UBE2O: variants seen among roughly 807,000 people sequenced by gnomAD.
UBE2O encodes the protein ubiquitin conjugating enzyme E2 O.
Under a neutral mutation model 125.8 loss-of-function variants are expected in UBE2O, and 15 were observed. The ratio of observed to expected loss-of-function variants is 0.12; its 90% CI spans 0.08 to 0.18. The LOEUF (loss-of-function observed/expected upper bound fraction) is 0.18, where lower values mean the gene tolerates loss of function less well. Ranked by LOEUF, UBE2O falls within the 10% of genes least tolerant of loss-of-function variation. UBE2O has a pLI of 1.00. For missense variants in UBE2O, 1,280 were observed against 1,723.6 expected (o/e 0.74, Z 4.56); for synonymous variants, 708 against 703.2 (o/e 1.01, Z -0.11).
intron 1 of UBE2O, among the ~76,000 whole-genome samples, chr17:76,422,522 T>G (rs1316410131): frequency 1.3e-5 from 2 of 152,184 alleles, no homozygotes; most frequent in African/African-American, 2.4e-5. Flanking sequence ...CAGATGCCAA[T>G]GAAACATCTG....
At position 76,405,416 on chromosome 17, in the gene UBE2O, G is replaced by A; in HGVS notation, c.477+97C>T. The A allele has an allele frequency of 6.6e-7, 1 of 1,508,766 alleles. No individual in the cohort carries two copies. The highest frequency in any genetic ancestry group is 1.2e-5 in the South Asian group (1 of 85,590). The allele number at this position is 1,508,766 out of a possible 1,614,324, so 93.5% of individuals were successfully genotyped here. On this transcript the variant is annotated intron_variant, in intron 2 of 17. Coordinates refer to ENST00000319380, the MANE Select transcript of UBE2O (RefSeq NM_022066.4). This position sits in a 1 kb window ranked among gnomAD's most constrained non-coding sequence, Gnocchi z 6.1. ...CCCCAGCGCACCCCCTGCAGAGCTG[G>A]CCAGTTCTCCCACATGCAGAGTGCG...
intron 1 of UBE2O, among the ~76,000 whole-genome samples, chr17:76,446,119 T>G (rs1034207499): frequency 6.6e-6 from 1 of 152,198 alleles, no homozygotes; most frequent in African/African-American, 2.4e-5. Context: ...CAACTCCCCA[T>G]CGCCATCCAG....
chr17:76,406,457 G>A (rs1281586629), intron 1 of UBE2O, among the ~76,000 whole-genome samples: 5 of 151,918 alleles, frequency 3.3e-5, no homozygotes, highest in African/African-American at 9.7e-5. Context: ...ACACTCCTCC[G>A]TGGTGGCCTC....
chr17:76,403,491 T>G (rs1201542378), intron 3 of UBE2O, among the ~76,000 whole-genome samples: 3 of 152,074 alleles, frequency 2.0e-5, no homozygotes, highest in Non-Finnish European at 4.4e-5. Flanking sequence ...AAGCTGGTCT[T>G]AAACTCTTGA....
chr17:76,434,564 T>C (rs1270340030), intron 1 of UBE2O, among the ~76,000 whole-genome samples: 1 of 152,088 alleles, frequency 6.6e-6, no homozygotes, highest in Non-Finnish European at 1.5e-5. Context: ...TGACTCCTCG[T>C]CCTGGGGAAA....
intron 1 of UBE2O, among the ~76,000 whole-genome samples, chr17:76,414,118 G>C (rs1427518848): frequency 1.3e-5 from 2 of 152,200 alleles, no homozygotes; most frequent in Admixed American, 6.5e-5. Context: ...AGCACAAATG[G>C]CCAGGGGGCC....
intron 5 of UBE2O, 29 bp from the exon 6 acceptor site, chr17:76,401,183 C>T (rs1269986649): frequency 1.7e-5 from 28 of 1,610,236 alleles, no homozygotes; most frequent in Non-Finnish European, 2.2e-5. Flanking sequence ...AAGGAAAGTC[C>T]CCGTGAGCGG....
In UBE2O at chr17:76,395,548, C is replaced by G; in HGVS notation, c.2946+177G>C. 1.5e-6 allele frequency: 1 copy of G among 677,154 alleles called. No individual in the cohort carries two copies. The highest frequency in any genetic ancestry group is 2.5e-6 in the Non-Finnish European group (1 of 406,796). 41.9% of individuals were successfully genotyped at this position (677,154 alleles called of 1,614,324 possible). On this transcript the variant is annotated intron_variant, in intron 15 of 17. Transcript: ENST00000319380. The surrounding 1 kb of genome is among the most constrained non-coding windows in gnomAD (Gnocchi z 5.0). ...GAAAGAACCATCTGGCCTGGACACA[C>G]GGCTGAGTCAGCCCTCACCTGACTG...
At position 76,396,690 on chromosome 17, in the gene UBE2O, C is replaced by T; in HGVS notation, c.2247G>A (p.Glu749=). 1 of 1,613,866 alleles carries T rather than the reference C, an allele frequency of 6.2e-7. No individual in the cohort carries two copies. The highest frequency in any genetic ancestry group is 8.5e-7 in the Non-Finnish European group (1 of 1,180,004). The change falls in exon 14 of 18, where the codon GAG becomes GAA. Residue 749 remains glutamate, a synonymous_variant. Coordinates refer to ENST00000319380, the MANE Select transcript of UBE2O (RefSeq NM_022066.4). This position sits in a 1 kb window ranked among gnomAD's most constrained non-coding sequence, Gnocchi z 6.7. ...GCTCCTCTATCTTGGGGTGCTCGTC[C>T]TCCACCAGCCCATTGTCCGTCTCCC... ...DSWETDNGLV[E]DEHPKIEEPP...
chr17:76,419,505 G>A (rs1348584516), intron 1 of UBE2O, among the ~76,000 whole-genome samples: 1 of 152,116 alleles, frequency 6.6e-6, no homozygotes, highest in African/African-American at 2.4e-5. Context: ...GTTGACTGAT[G>A]CCCACCCTTC....
rs1446778615 is a variant in UBE2O at position 76,400,581 on chromosome 17, G to A, written c.895-31C>T. On this transcript the variant is annotated intron_variant, in intron 6 of 17. Transcript: ENST00000319380. The surrounding 1 kb of genome is among the most constrained non-coding windows in gnomAD (Gnocchi z 4.3). ...GATGGCAGGTGGGACACGCCAGTCA[G>A]GGCAGGCTCTGACAGCACTCTCTTT... is the stretch of plus-strand genomic sequence containing the variant. 5.9e-6 allele frequency: 9 copies of A among 1,522,492 alleles called. No homozygotes were observed. The highest frequency in any genetic ancestry group is 3.5e-5 in the South Asian group (3 of 85,434). The allele number at this position is 1,522,492 out of a possible 1,614,324, so 94.3% of individuals were successfully genotyped here.
chr17:76,413,517 C>A (rs2072550955), intron 1 of UBE2O, among the ~76,000 whole-genome samples: 1 of 152,142 alleles, frequency 6.6e-6, no homozygotes, highest in Non-Finnish European at 1.5e-5. Context: ...CAAAAAGTAA[C>A]TGCAGTTAAA....
intron 1 of UBE2O, among the ~76,000 whole-genome samples, chr17:76,415,728 C>A (rs1051263843): frequency 6.6e-6 from 1 of 151,504 alleles, no homozygotes; most frequent in South Asian, 2.1e-4. Context: ...TTGCTTGGAC[C>A]CAGGAGGTGG....
intron 1 of UBE2O, among the ~76,000 whole-genome samples, chr17:76,429,679 G>A (rs2072871697): frequency 6.6e-6 from 1 of 152,126 alleles, no homozygotes; most frequent in Non-Finnish European, 1.5e-5. Flanking sequence ...GCTGTGAGGA[G>A]CCACTACATA....
At chr17:76,423,893 GTTCTTT>G (rs2072753471) in intron 1 of UBE2O, among the ~76,000 whole-genome samples, 1 of 81,948 alleles carries the variant, frequency 1.2e-5, no homozygotes, top group African/African-American at 4.0e-5. Context: ...TCCAGGTTGG[GTTCTTT>G]TTTTTTTTTT....
chr17:76,396,504 G>A lies in UBE2O; in HGVS notation c.2433C>T (p.Phe811=), dbSNP rs566055693. 11 of 1,613,838 alleles carry A rather than the reference G, an allele frequency of 6.8e-6. No homozygotes were observed. The South Asian group carries it at 1.1e-4, about 16-fold the overall frequency. The part of the protein sequence containing the change: ...KAGKDGPPKS[F]RELKEAIKIL... ...TCTTGATGGCCTCTTTCAACTCCCG[G>A]AAGCTCTTGGGTGGCCCGTCCTTGC... Residue 811 remains phenylalanine (F), a synonymous_variant, in exon 14 of 18, where the codon TTC becomes TTT. Transcript: ENST00000319380. This position sits in a 1 kb window ranked among gnomAD's most constrained non-coding sequence, Gnocchi z 6.7.
chr17:76,438,168 A>G (rs114630695), intron 1 of UBE2O, among the ~76,000 whole-genome samples: 248 of 152,276 alleles, frequency 1.6e-3, no homozygotes, highest in African/African-American at 5.3e-3. Context: ...AGGTTTTTCT[A>G]AAAGCTATAA....
chr17:76,439,715 T>C (rs1024921115), intron 1 of UBE2O, among the ~76,000 whole-genome samples: 1 of 152,196 alleles, frequency 6.6e-6, no homozygotes. Context: ...ACTTCCTGCC[T>C]CTCTTGCCTT....
chr17:76,421,777 T>G (rs2072716606), intron 1 of UBE2O, among the ~76,000 whole-genome samples: 1 of 152,188 alleles, frequency 6.6e-6, no homozygotes, highest in Non-Finnish European at 1.5e-5. Context: ...CTTGTGGCCT[T>G]TCTTTCATGG....
Sources: allele counts gnomAD v4.1 joint callset (sites outside exome capture counted in the v4.1 genomes callset), GRCh38; gene constraint gnomAD v4.1.1; non-coding constraint Gnocchi (gnomAD v3.1); transcripts MANE v1.5; gene names NCBI Gene and HGNC (gene_info 2026-07-23, HGNC 2026-07-21).